Variants in LSS observed in about 807,000 individuals in gnomAD.
LSS encodes the protein lanosterol synthase.
Under a neutral mutation model 110.3 loss-of-function variants are expected in LSS, and 90 were observed. That is an observed-to-expected ratio of 0.82 (90% CI 0.69 to 0.97). The LOEUF (loss-of-function observed/expected upper bound fraction) is 0.97. LSS is among the 50% of genes least tolerant of loss of function. The probability of loss-of-function intolerance (pLI) is 0.00; values close to 1 mark genes in which losing one functional copy is unlikely to be tolerated. For synonymous variants in LSS, 433 were observed against 400.0 expected (o/e 1.08, Z -0.98); for missense variants, 927 against 990.0 (o/e 0.94, Z 0.85).
At chr21:46,218,598 T>C (rs2080236508) in intron 6 of LSS, among the ~76,000 whole-genome samples, 1 of 152,008 alleles carries the variant, frequency 6.6e-6, no homozygotes, top group Admixed American at 6.6e-5. Context: ...CACTCCAGCC[T>C]GAGTGACAAA....
At chr21:46,210,256 C>T (rs539104201) in intron 12 of LSS, among the ~76,000 whole-genome samples, 15 of 151,986 alleles carry the variant, frequency 9.9e-5, no homozygotes, top group Middle Eastern at 3.4e-3. Flanking sequence ...TTAGTAGAGA[C>T]GGGGTTTCAC....
intron 8 of LSS, 98 bp downstream of exon 8, chr21:46,215,587 G>A (rs946507530): frequency 1.6e-5 from 13 of 810,514 alleles, no homozygotes; most frequent in East Asian, 8.0e-5. Context: ...CAGAGGAGGT[G>A]GCCCAGTGCC....
chr21:46,210,623 G>A, intron 12 of LSS, 65 bp downstream of exon 12: 2 of 1,494,962 alleles, frequency 1.3e-6, no homozygotes. Flanking sequence ...GCCCTCAGGT[G>A]GATGCGTGGG....
chr21:46,202,564 A>G (rs1601422262), intron 17 of LSS, among the ~76,000 whole-genome samples: 1 of 152,136 alleles, frequency 6.6e-6, no homozygotes, highest in Non-Finnish European at 1.5e-5. Context: ...CTGTGCTTAA[A>G]AATGAAAGAA....
chr21:46,222,184 T>TTTTAATGATACGGCGAC, intron 4 of LSS: 4 of 581,484 alleles, frequency 6.9e-6, no homozygotes, highest in South Asian at 4.2e-5. Context: ...CACTCCTTCC[T>TTTTAATGATACGGCGAC]CACCGTGACC....
intron 3 of LSS, chr21:46,225,450 G>A: frequency 2.2e-6 from 1 of 451,810 alleles, no homozygotes; most frequent in South Asian, 1.6e-5. Flanking sequence ...CCGGGAAAGG[G>A]AATCTCCCTT....
At position 46,216,360 on chromosome 21, in the gene LSS, C is replaced by T. The variant is rs755564859; in HGVS notation, c.783+29G>A. ...CCCTGTGGGTCCCAGCCCCAGAGGCCTTCACTTTGTTCCCTGATGAGGTCC... is the reference window on the plus strand; with the variant it reads ...CCCTGTGGGTCCCAGCCCCAGAGGCTTTCACTTTGTTCCCTGATGAGGTCC... On this transcript the variant is annotated intron_variant, in intron 7 of 21. Transcript: ENST00000397728. This position sits in a 1 kb window ranked among gnomAD's most constrained non-coding sequence, Gnocchi z 4.2. The T allele has an allele frequency of 8.1e-6, 13 of 1,613,232 alleles. No individual in the cohort carries two copies. Among genetic ancestry groups the T allele is most frequent in the Non-Finnish European group, 1.1e-5 (13 of 1,179,954 alleles).
intron 5 of LSS, among the ~76,000 whole-genome samples, chr21:46,221,054 A>G (rs2080272732): frequency 7.1e-6 from 1 of 140,580 alleles, no homozygotes; most frequent in African/African-American, 2.7e-5. Flanking sequence ...TAGCCAGACC[A>G]GGGCTTGGAG....
intron 17 of LSS, among the ~76,000 whole-genome samples, chr21:46,196,525 G>A (rs1161535520): frequency 6.6e-6 from 1 of 152,212 alleles, no homozygotes; most frequent in Non-Finnish European, 1.5e-5. Context: ...AGACACAGCT[G>A]CAAACAGGAG....
intron 11 of LSS, among the ~76,000 whole-genome samples, chr21:46,212,262 G>A (rs1037989301): frequency 6.6e-6 from 1 of 152,234 alleles, no homozygotes; most frequent in East Asian, 1.9e-4. Context: ...GGCGGGCAGT[G>A]CTGGGCCCAC....
chr21:46,213,867 C>T (rs944743432), intron 9 of LSS, 32 bp from the exon 10 acceptor site: 5 of 1,519,912 alleles, frequency 3.3e-6, no homozygotes, highest in African/African-American at 2.7e-5. Context: ...CAAGGCTCCG[C>T]TCCAGACCCA....
At chr21:46,220,241 C>T (rs759013324) in intron 5 of LSS, 1 of 152,362 alleles carries the variant, frequency 6.6e-6, no homozygotes, top group Admixed American at 6.5e-5. Context: ...TAAACACGTT[C>T]CTTCACCAGG....
At chr21:46,220,665 T>A (rs1454218632) in intron 5 of LSS, among the ~76,000 whole-genome samples, 1 of 151,942 alleles carries the variant, frequency 6.6e-6, no homozygotes, top group Admixed American at 6.6e-5. Context: ...ATAAACTAGG[T>A]TTTCTTGGAG....
chr21:46,228,405 C>G (rs2080383731), intron 2 of LSS, 29 bp downstream of exon 2: 1 of 1,597,494 alleles, frequency 6.3e-7, no homozygotes, highest in Admixed American at 1.7e-5. Flanking sequence ...GGGTCCCGAG[C>G]TCGCTGACGC....
intron 2 of LSS, among the ~76,000 whole-genome samples, chr21:46,228,216 G>A (rs994472187): frequency 6.6e-6 from 1 of 152,218 alleles, no homozygotes; most frequent in African/African-American, 2.4e-5. Flanking sequence ...CTCAAAATAA[G>A]GTGCTAAAAA....
At chr21:46,196,784 C>G (rs1300581456) in intron 17 of LSS, among the ~76,000 whole-genome samples, 1 of 152,314 alleles carries the variant, frequency 6.6e-6, no homozygotes, top group East Asian at 1.9e-4. Flanking sequence ...TTGATGGGTG[C>G]GGGTCCTGGG....
At chr21:46,222,923 T>C (rs1376821399) in intron 3 of LSS, among the ~76,000 whole-genome samples, 185 bp from the exon 4 acceptor site, 1 of 152,174 alleles carries the variant, frequency 6.6e-6, no homozygotes, top group Non-Finnish European at 1.5e-5. Context: ...AGAAGGAACG[T>C]CAGCCACAGC....
At chr21:46,200,178 A>G (rs981532719) in intron 17 of LSS, among the ~76,000 whole-genome samples, 1 of 152,232 alleles carries the variant, frequency 6.6e-6, no homozygotes, top group Non-Finnish European at 1.5e-5. Context: ...GTAAGAATCT[A>G]TGCGTCCACA....
chr21:46,199,101 A>G (rs2079947180), intron 17 of LSS, among the ~76,000 whole-genome samples: 1 of 152,226 alleles, frequency 6.6e-6, no homozygotes, highest in Non-Finnish European at 1.5e-5. Flanking sequence ...ATGAAAAGAC[A>G]AGACACAGGC....
Sources: allele counts gnomAD v4.1 joint callset (sites outside exome capture counted in the v4.1 genomes callset), GRCh38; gene constraint gnomAD v4.1.1; non-coding constraint Gnocchi (gnomAD v3.1); transcripts MANE v1.5; gene names NCBI Gene and HGNC (gene_info 2026-07-23, HGNC 2026-07-21).